The following INO80 variants were observed in gnomAD, a reference collection of about 807,000 sequenced individuals.
INO80 encodes the protein chromatin-remodeling ATPase INO80.
In INO80, 20 loss-of-function variants were observed where a neutral mutation model predicts 203.4. That is an observed-to-expected ratio of 0.10 (90% CI 0.07 to 0.14). The LOEUF (loss-of-function observed/expected upper bound fraction) is 0.14, where lower values mean the gene tolerates loss of function less well. Ranked by LOEUF, INO80 falls within the 10% of genes least tolerant of loss-of-function variation. The probability of loss-of-function intolerance (pLI) is 1.00; values close to 1 mark genes in which losing one functional copy is unlikely to be tolerated. For missense variants in INO80, 1,419 were observed against 1,914.4 expected (o/e 0.74, Z 4.83); for synonymous variants, 726 against 685.2 (o/e 1.06, Z -0.93).
intron 27 of INO80, among the ~76,000 whole-genome samples, chr15:41,013,464 G>GA (rs1398935417): frequency 3.3e-5 from 5 of 152,098 alleles, no homozygotes; most frequent in Non-Finnish European, 5.9e-5. Context: ...GAAAGTGACT[G>GA]AAAAACACTC....
intron 19 of INO80, 113 bp downstream of exon 19, chr15:41,053,816 A>T: frequency 1.5e-6 from 1 of 680,884 alleles, no homozygotes; most frequent in Non-Finnish European, 2.4e-6. Flanking sequence ...ATGCAAGTTT[A>T]AACGTCTTCC....
Position 40,978,926 on chromosome 15 carries a change from C to CAGTT in INO80, c.*1293_*1296dup, listed in dbSNP as rs1491415558. 4.0e-4 allele frequency: 61 copies of CAGTT among 152,520 alleles called. No homozygotes were observed. The highest frequency in any genetic ancestry group is 8.5e-4 in the Admixed American group (13 of 15,288). The allele number at this position is 152,520 out of a possible 1,614,324, so 9.4% of individuals were successfully genotyped here. A position where few individuals can be genotyped will look rare whatever the true frequency, so the allele number is the denominator to read the frequency against. On this transcript the variant is annotated 3_prime_UTR_variant, in exon 36 of 36. Coordinates refer to ENST00000648947, the MANE Select transcript of INO80 (RefSeq NM_017553.3). Reference sequence around the variant, plus strand: ...CCATTTTATTTAAGATTTTTTTATCCAGTTAGTAAAAGGAAGATGTGTCTC... The same window carrying CAGTT: ...CCATTTTATTTAAGATTTTTTTATCCAGTTAGTTAGTAAAAGGAAGATGTGTCTC...
chr15:41,027,727 A>C lies in INO80; in HGVS notation c.2917T>G (p.Phe973Val). The C allele has an allele frequency of 6.3e-7, 1 of 1,583,190 alleles. No homozygotes were observed. The highest frequency in any genetic ancestry group is 8.6e-7 in the Non-Finnish European group (1 of 1,163,902). ...CSCPLLKSLV[F>V]SSHCKAVSGY... ...CTCACTGCTTTACAGTGGCTGCTGA[A>C]AACAAGAGACTGCAAAATAAAAATG... The change falls in exon 25 of 36, where the codon TTC becomes GTC. Residue 973 changes from phenylalanine to valine, a missense_variant. By Grantham distance (50) the Phe-to-Val change is conservative. Around this residue, in one of 9 missense-constraint regions of INO80, gnomAD observed 302 missense variants for 345.4 expected, o/e 0.87. Transcript: ENST00000648947.
intron 11 of INO80, 134 bp downstream of exon 11, chr15:41,073,294 C>CA (rs2140601715): frequency 2.7e-6 from 2 of 733,826 alleles, no homozygotes; most frequent in East Asian, 5.2e-5. Flanking sequence ...CACAGCTACT[C>CA]ACACACATAT....
At chr15:40,983,951 A>AC (rs1160145669) in intron 33 of INO80, 30 bp from the exon 34 acceptor site, 2 of 1,607,088 alleles carry the variant, frequency 1.2e-6, no homozygotes, top group Non-Finnish European at 1.7e-6. Context: ...GATCATTACG[A>AC]CCCCCTGTGC....
At position 41,055,352 on chromosome 15, in the gene INO80, G is replaced by A; in HGVS notation, c.2083C>T (p.Leu695=). The change falls in exon 18 of 36, where the codon CTG becomes TTG. Residue 695 remains leucine, a synonymous_variant. Coordinates refer to ENST00000648947, the MANE Select transcript of INO80 (RefSeq NM_017553.3). ...QNTMAELWAL[L]HFIMPTLFDS... The stretch of plus-strand genomic sequence containing the variant: ...AATAATGTTGGCATAATGAAATGCA[G>A]CAGAGCCCAAAGCTGTAAACAAAGA... 6.2e-7 allele frequency: 1 copy of A among 1,608,846 alleles called. No homozygotes were observed. Among genetic ancestry groups the A allele is most frequent in the Non-Finnish European group, 8.5e-7 (1 of 1,176,696 alleles).
intron 11 of INO80, 144 bp downstream of exon 11, chr15:41,073,284 C>A: frequency 1.5e-6 from 1 of 670,902 alleles, no homozygotes; most frequent in Non-Finnish European, 2.7e-6. Context: ...ACCCCCTACA[C>A]ACAGCTACTC....
chr15:41,104,638 AG>A (rs1212153929), intron 1 of INO80, among the ~76,000 whole-genome samples: 1 of 152,050 alleles, frequency 6.6e-6, no homozygotes, highest in African/African-American at 2.4e-5. Context: ...CCCAGATTCA[AG>A]GGATTCTCCT....
chr15:41,103,260 G>A (rs1295871687), intron 1 of INO80, among the ~76,000 whole-genome samples: 2 of 152,124 alleles, frequency 1.3e-5, no homozygotes, highest in Non-Finnish European at 2.9e-5. Flanking sequence ...CCTATTATCA[G>A]TGTTTTCATT....
Position 40,987,908 on chromosome 15 carries a change from A to C in INO80, c.3637T>G (p.Leu1213Val). The change falls in exon 30 of 36, where the codon TTA becomes GTA. Residue 1213 changes from leucine to valine, a missense_variant. Transcript: ENST00000648947. ...ACAGTAACCTGCTTTGTCTGCCCTA[A>C]GCGGTGGGCCCTGTCCATGGCCTGC... ...DQQAMDRAHR[L>V]GQTKQVTVYR... The C allele has an allele frequency of 6.2e-7, 1 of 1,614,094 alleles. No homozygotes were observed. The highest frequency in any genetic ancestry group is 8.5e-7 in the Non-Finnish European group (1 of 1,179,938).
chr15:41,067,007 GCCATC>G (rs1344285413), intron 14 of INO80, among the ~76,000 whole-genome samples: 1 of 152,110 alleles, frequency 6.6e-6, no homozygotes, highest in Non-Finnish European at 1.5e-5. Flanking sequence ...ATATCACATT[GCCATC>G]TATCAGCAGT....
At chr15:41,095,001 T>C (rs1307145184) in intron 4 of INO80, among the ~76,000 whole-genome samples, 1 of 149,380 alleles carries the variant, frequency 6.7e-6, no homozygotes, top group Non-Finnish European at 1.5e-5. Flanking sequence ...TTGGGTCCCA[T>C]CTCCAAGATA....
chr15:41,035,935 T>G (rs1354573964), intron 24 of INO80, among the ~76,000 whole-genome samples: 13 of 146,452 alleles, frequency 8.9e-5, no homozygotes, highest in Admixed American at 8.3e-4. Context: ...TTGAGACCAG[T>G]CTGGTCAACA....
At chr15:41,088,027 A>G (rs2045585986) in intron 5 of INO80, among the ~76,000 whole-genome samples, 1 of 151,506 alleles carries the variant, frequency 6.6e-6, no homozygotes, top group African/African-American at 2.4e-5. Flanking sequence ...CCAAGAAATA[A>G]GCCATACTTC....
At chr15:41,106,092 C>T (rs1443439367) in intron 1 of INO80, among the ~76,000 whole-genome samples, 1 of 152,030 alleles carries the variant, frequency 6.6e-6, no homozygotes, top group East Asian at 1.9e-4. Flanking sequence ...ACCCACCTCT[C>T]TATAAAAATA....
intron 29 of INO80, among the ~76,000 whole-genome samples, chr15:40,988,516 G>A (rs926683728): frequency 6.6e-6 from 1 of 152,194 alleles, no homozygotes; most frequent in Non-Finnish European, 1.5e-5. Context: ...AGCCTGGGAG[G>A]CAGAGGTTGC....
chr15:41,068,548 T>G, intron 14 of INO80, among the ~76,000 whole-genome samples: 1 of 145,918 alleles, frequency 6.9e-6, no homozygotes, highest in Non-Finnish European at 1.5e-5. Flanking sequence ...GTAACAAGAG[T>G]GAAACTCTGA....
Position 41,073,478 on chromosome 15 carries a change from C to T in INO80, c.1345G>A (p.Ala449Thr), listed in dbSNP as rs1328643071. ...QEDYDSNHFK[A>T]QALKNAENAY... ...TTTTCAGCATTCTTCAGGGCCTGGG[C>T]TTTAAAATGGTTACTATCTGAAAAG... The change falls in exon 11 of 36, where the codon GCC becomes ACC. Residue 449 changes from alanine to threonine, a missense_variant. Physicochemically the swap from Ala to Thr is moderately conservative, Grantham distance 58 (BLOSUM62 0). Coordinates refer to ENST00000648947, the MANE Select transcript of INO80 (RefSeq NM_017553.3). 1.2e-6 allele frequency: 2 copies of T among 1,613,896 alleles called. No homozygotes were observed. The highest frequency in any genetic ancestry group is 2.7e-5 in the African/African-American group (2 of 74,900).
At chr15:41,000,565 C>A (rs1014386376) in intron 28 of INO80, among the ~76,000 whole-genome samples, 1 of 151,356 alleles carries the variant, frequency 6.6e-6, no homozygotes, top group African/African-American at 2.4e-5. Flanking sequence ...TGTGGTGGTA[C>A]GAGCCTGTAG....
Sources: gnomAD v4.1 joint callset for allele counts (sites outside exome capture counted in the v4.1 genomes callset) on GRCh38, gnomAD v4.1.1 for gene constraint, gnomAD v4.1.1 regional missense constraint, MANE v1.5 for transcripts, NCBI Gene and HGNC (gene_info 2026-07-23, HGNC 2026-07-21) for gene names.